Variants in RPH3A observed in about 807,000 individuals in gnomAD.
RPH3A encodes the protein rabphilin 3A, also known as rabphilin-3A.
A neutral mutation model predicts 102.2 loss-of-function variants in RPH3A; 48 were observed. The observed-to-expected ratio is 0.47, with a 90% CI of 0.37 to 0.60. RPH3A has a LOEUF of 0.60. Ranked by LOEUF, RPH3A falls within the 20% of genes least tolerant of loss-of-function variation. RPH3A has a pLI of 0.00. For missense variants in RPH3A, 781 were observed against 910.1 expected (o/e 0.86, Z 1.83); for synonymous variants, 310 against 324.3 (o/e 0.96, Z 0.47).
chr12:112,580,455 G>C (rs919853555), intron 1 of RPH3A, among the ~76,000 whole-genome samples: 12 of 141,384 alleles, frequency 8.5e-5, no homozygotes, highest in East Asian at 2.1e-4. Flanking sequence ...CCAGGCTGGA[G>C]TGCAGTGGCG....
At chr12:112,865,309 C>CAG in intron 5 of RPH3A, 105 bp from the exon 6 acceptor site, 1 of 1,304,832 alleles carries the variant, frequency 7.7e-7, no homozygotes, top group Non-Finnish European at 1.1e-6. Context: ...AGACGCACAA[C>CAG]AGCGTATGAC....
intron 8 of RPH3A, 129 bp downstream of exon 8, chr12:112,868,724 T>G: frequency 1.1e-6 from 1 of 951,024 alleles, no homozygotes; most frequent in Non-Finnish European, 1.5e-6. Context: ...TGCACTTGGG[T>G]CTAGGACTCC....
At chr12:112,853,468 A>G (rs1361268558) in intron 5 of RPH3A, among the ~76,000 whole-genome samples, 1 of 152,218 alleles carries the variant, frequency 6.6e-6, no homozygotes, top group East Asian at 1.9e-4. Context: ...CAGTTTTCTC[A>G]GGGATTGGAC....
chr12:112,830,859 A>C (rs920458474), intron 3 of RPH3A, among the ~76,000 whole-genome samples: 8 of 151,946 alleles, frequency 5.3e-5, no homozygotes, highest in Admixed American at 3.9e-4. Context: ...GCGAGTATAA[A>C]GGGTATTTTT....
At chr12:112,780,777 C>T (rs964320696) in intron 1 of RPH3A, among the ~76,000 whole-genome samples, 7 of 152,270 alleles carry the variant, frequency 4.6e-5, no homozygotes, top group Admixed American at 2.6e-4. Context: ...ATGCGGGTAT[C>T]AGAATGGCCA....
intron 1 of RPH3A, among the ~76,000 whole-genome samples, chr12:112,631,594 C>A (rs2039805756): frequency 6.6e-6 from 1 of 152,082 alleles, no homozygotes; most frequent in African/African-American, 2.4e-5. Context: ...GGCATCATGG[C>A]TCACTGCAGC....
At chr12:112,862,244 C>A (rs774877451) in intron 5 of RPH3A, among the ~76,000 whole-genome samples, 21 of 149,522 alleles carry the variant, frequency 1.4e-4, no homozygotes, top group South Asian at 8.4e-4. Context: ...AGTCCCCCCC[C>A]CAAAAAAAAA....
At chr12:112,833,754 G>A (rs929994292) in intron 3 of RPH3A, among the ~76,000 whole-genome samples, 2 of 148,204 alleles carry the variant, frequency 1.3e-5, no homozygotes, top group Non-Finnish European at 3.0e-5. Flanking sequence ...TTTAAAGACA[G>A]TGTCTCACTG....
chr12:112,802,276 G>T (rs548636106), intron 2 of RPH3A, among the ~76,000 whole-genome samples: 2 of 152,336 alleles, frequency 1.3e-5, no homozygotes, highest in South Asian at 4.1e-4. Context: ...CTGGAGCTGG[G>T]TGGACATGGG....
At chr12:112,891,121 A>G (rs1453185128) in intron 19 of RPH3A, 118 bp downstream of exon 19, 64 of 1,187,708 alleles carry the variant, frequency 5.4e-5, no homozygotes, top group Non-Finnish European at 7.2e-5. Flanking sequence ...AGGGCAAGGA[A>G]CCTGCCCAAG....
chr12:112,583,570 AGC>A (rs1422934411), intron 1 of RPH3A, among the ~76,000 whole-genome samples: 1 of 152,216 alleles, frequency 6.6e-6, no homozygotes, highest in Non-Finnish European at 1.5e-5. Flanking sequence ...CCTAATGTCT[AGC>A]GGCAGCTCTG....
chr12:112,746,926 T>A (rs1223588454), intron 1 of RPH3A, among the ~76,000 whole-genome samples: 1 of 152,206 alleles, frequency 6.6e-6, no homozygotes, highest in Non-Finnish European at 1.5e-5. Context: ...GGATGCCACC[T>A]TCTTCCACCC....
chr12:112,796,381 G>T (rs1009107812), intron 2 of RPH3A, among the ~76,000 whole-genome samples: 4 of 152,208 alleles, frequency 2.6e-5, no homozygotes, highest in Non-Finnish European at 5.9e-5. Flanking sequence ...GTGCTACAGG[G>T]TGAGATCCTT....
At chr12:112,732,327 G>T (rs2040640350) in intron 1 of RPH3A, among the ~76,000 whole-genome samples, 1 of 152,148 alleles carries the variant, frequency 6.6e-6, no homozygotes, top group Non-Finnish European at 1.5e-5. Context: ...AGAATCTCAG[G>T]CTTTGAAGTC....
In RPH3A at chr12:112,751,112, A is replaced by G. The variant is rs118182067; in HGVS notation, c.-139-41031A>G. ...CTTAGGACTTTTGGTTATTTGAGCCAATGAATCACTTTATTATTTAACCTC... is the reference window on the plus strand; with the variant it reads ...CTTAGGACTTTTGGTTATTTGAGCCGATGAATCACTTTATTATTTAACCTC... On this transcript the variant is annotated intron_variant, in intron 1 of 21. Coordinates refer to the RPH3A transcript ENST00000543106. Among the ~76,000 whole-genome samples, 123 of 152,332 alleles carry G rather than the reference A, an allele frequency of 8.1e-4. 1 individual carries two copies. The East Asian group carries it at 0.02, about 25-fold the overall frequency.
chr12:112,882,850 C>A (rs1006073034), intron 15 of RPH3A, among the ~76,000 whole-genome samples: 1 of 152,222 alleles, frequency 6.6e-6, no homozygotes, highest in African/African-American at 2.4e-5. Flanking sequence ...GCATTTCTAG[C>A]TTTCTCTTAG....
intron 2 of RPH3A, among the ~76,000 whole-genome samples, chr12:112,795,556 G>A (rs191688524): frequency 1.1e-4 from 17 of 152,062 alleles, no homozygotes; most frequent in Non-Finnish European, 1.5e-4. Context: ...CTCTGGGGGC[G>A]GTCAGATCTT....
At chr12:112,615,892 G>T (rs541227665) in intron 1 of RPH3A, among the ~76,000 whole-genome samples, 1 of 152,038 alleles carries the variant, frequency 6.6e-6, no homozygotes, top group African/African-American at 2.4e-5. Context: ...TTAGAATGAC[G>T]CCTGGCAGCT....
intron 18 of RPH3A, 57 bp from the exon 19 acceptor site, chr12:112,890,792 T>G: frequency 6.3e-7 from 1 of 1,577,908 alleles, no homozygotes; most frequent in South Asian, 1.2e-5. Flanking sequence ...TGCTCGCCAT[T>G]CACATTTCCT....
Sources: allele counts gnomAD v4.1 joint callset (sites outside exome capture counted in the v4.1 genomes callset), GRCh38; gene constraint gnomAD v4.1.1; transcripts MANE v1.5; gene names NCBI Gene and HGNC (gene_info 2026-07-23, HGNC 2026-07-21).